The following WWOX variants were observed in gnomAD, a reference collection of about 807,000 sequenced individuals.
WWOX encodes the protein WW domain-containing oxidoreductase.
WWOX carries 69 observed loss-of-function variants against 46.2 expected under a neutral mutation model. The observed-to-expected ratio is 1.49, with a 90% CI of 1.23 to 1.82. The LOEUF is 1.82. WWOX is among the 40% of genes most tolerant of loss of function. WWOX has a pLI of 0.00. For missense variants in WWOX, 919 were observed against 542.6 expected, an observed-to-expected ratio of 1.69 and a Z score of -6.89; for synonymous variants, 359 against 202.6, an observed-to-expected ratio of 1.77 and a Z score of -6.56.
intron 8 of WWOX, among the ~76,000 whole-genome samples, chr16:78,558,184 G>C (rs937265219): frequency 1.3e-5 from 2 of 152,146 alleles, no homozygotes; most frequent in African/African-American, 4.8e-5. Context: ...CCTTCCCGGA[G>C]GTCAGCTTTA....
At chr16:78,265,444 GC>G (rs1237006195) in intron 5 of WWOX, among the ~76,000 whole-genome samples, 2 of 152,120 alleles carry the variant, frequency 1.3e-5, no homozygotes, top group African/African-American at 4.8e-5. Flanking sequence ...ACTTTGGGAG[GC>G]TGAGGCAGGT....
rs1402358077 is a variant in WWOX at position 78,975,582 on chromosome 16, A to G, written c.1057-236026A>G. On this transcript the variant is annotated intron_variant, in intron 8 of 8. Transcript: ENST00000566780. Reference sequence around the variant, plus strand: ...CTGAATGCCTGTTCATGTACCATATACACATGGTATATGCCTCGTAAATGA... The same window carrying G: ...CTGAATGCCTGTTCATGTACCATATGCACATGGTATATGCCTCGTAAATGA... Among the ~76,000 whole-genome samples, 7 of 152,034 alleles carry G rather than the reference A, an allele frequency of 4.6e-5. No individual in the cohort carries two copies. The South Asian group carries it at 8.3e-4, about 18-fold the overall frequency.
At chr16:78,333,738 A>G (rs1271086316) in intron 5 of WWOX, among the ~76,000 whole-genome samples, 1 of 152,232 alleles carries the variant, frequency 6.6e-6, no homozygotes, top group African/African-American at 2.4e-5. Flanking sequence ...ATAAAATTTC[A>G]AATGGTTCCT....
chr16:78,662,623 T>TA (rs1402335782), intron 8 of WWOX, among the ~76,000 whole-genome samples: 1 of 152,156 alleles, frequency 6.6e-6, no homozygotes, highest in Non-Finnish European at 1.5e-5. Flanking sequence ...TACTATTTTT[T>TA]AAAAAACATA....
intron 8 of WWOX, chr16:78,756,884 C>A: frequency 2.8e-6 from 2 of 702,872 alleles, no homozygotes; most frequent in Non-Finnish European, 5.2e-6. Context: ...ACTTACGAGG[C>A]TAGACCATAA....
chr16:79,040,902 G>T (rs1263139859), intron 8 of WWOX, among the ~76,000 whole-genome samples: 2 of 152,102 alleles, frequency 1.3e-5, no homozygotes, highest in Non-Finnish European at 2.9e-5. Flanking sequence ...CAAGGGAGAG[G>T]TTGCTCCTGG....
chr16:78,734,436 C>G (rs553967803), intron 8 of WWOX, among the ~76,000 whole-genome samples: 2 of 152,282 alleles, frequency 1.3e-5, no homozygotes, highest in South Asian at 2.1e-4. Flanking sequence ...TTGCATGAAT[C>G]AACCTATTTA....
At chr16:78,122,217 G>C (rs1208248220) in intron 4 of WWOX, among the ~76,000 whole-genome samples, 1 of 152,142 alleles carries the variant, frequency 6.6e-6, no homozygotes, top group African/African-American at 2.4e-5. Context: ...GCATCACTGT[G>C]GGTCTTGGAA....
At chr16:78,385,604 C>A (rs991480253) in intron 5 of WWOX, among the ~76,000 whole-genome samples, 1 of 152,142 alleles carries the variant, frequency 6.6e-6, no homozygotes, top group African/African-American at 2.4e-5. Flanking sequence ...CCAAGATAAA[C>A]CAGCTGCAAT....
intron 5 of WWOX, chr16:78,266,194 TG>T (rs1451277611): frequency 6.6e-6 from 1 of 152,214 alleles, no homozygotes; most frequent in Non-Finnish European, 1.5e-5. Flanking sequence ...TGTAATTGTT[TG>T]GGGGAAAAAA....
At chr16:78,692,899 G>T (rs2048023098) in intron 8 of WWOX, among the ~76,000 whole-genome samples, 1 of 152,172 alleles carries the variant, frequency 6.6e-6, no homozygotes, top group South Asian at 2.1e-4. Context: ...TGAATATTCT[G>T]TAATAGAAGA....
At chr16:78,746,921 A>G (rs1477512428) in intron 8 of WWOX, among the ~76,000 whole-genome samples, 2 of 151,688 alleles carry the variant, frequency 1.3e-5, no homozygotes, top group Non-Finnish European at 2.9e-5. Context: ...TGAATACACC[A>G]CTCCCCATCC....
chr16:78,407,253 T>G (rs1407496228), intron 6 of WWOX, among the ~76,000 whole-genome samples: 3 of 152,172 alleles, frequency 2.0e-5, no homozygotes, highest in Admixed American at 2.0e-4. Context: ...TTGGGCCCTT[T>G]CTATTGAATT....
chr16:78,755,693 G>A (rs984353866), intron 8 of WWOX, among the ~76,000 whole-genome samples: 5 of 152,184 alleles, frequency 3.3e-5, no homozygotes, highest in South Asian at 2.1e-4. Context: ...CCAGGGCCAT[G>A]TGACAAATAC....
chr16:78,174,546 A>G (rs2035270505), intron 5 of WWOX, among the ~76,000 whole-genome samples: 1 of 152,224 alleles, frequency 6.6e-6, no homozygotes, highest in Non-Finnish European at 1.5e-5. Context: ...CATGCTAAAT[A>G]CATTTATTAC....
chr16:78,940,871 G>T (rs1347601567), intron 8 of WWOX, among the ~76,000 whole-genome samples: 1 of 151,784 alleles, frequency 6.6e-6, no homozygotes, highest in Non-Finnish European at 1.5e-5. Context: ...AAGTTGTATC[G>T]ATCATGTATT....
Position 78,531,855 on chromosome 16 carries a change from C to G in WWOX, c.1056+99103C>G, listed in dbSNP as rs529474371. The stretch of plus-strand genomic sequence containing the variant: ...CCTGGGCGACAGAGGAAGACTCTGT[C>G]TCAAAATAAACAAACAAATAAATAA... On this transcript the variant is annotated intron_variant, in intron 8 of 8. Coordinates refer to ENST00000566780, the MANE Select transcript of WWOX (RefSeq NM_016373.4). Among the ~76,000 whole-genome samples the G allele has an allele frequency of 2.0e-5, 3 of 152,200 alleles. No individual in the cohort carries two copies. In the East Asian group the frequency reaches 5.8e-4, roughly 29 times the overall value.
chr16:78,964,606 G>A (rs917190327), intron 8 of WWOX, among the ~76,000 whole-genome samples: 9 of 152,210 alleles, frequency 5.9e-5, no homozygotes, highest in Non-Finnish European at 1.2e-4. Context: ...TTGTGCGATA[G>A]AAAAGAAAAA....
intron 8 of WWOX, among the ~76,000 whole-genome samples, chr16:79,009,607 C>T (rs923281283): frequency 1.3e-5 from 2 of 152,156 alleles, no homozygotes; most frequent in South Asian, 2.1e-4. Flanking sequence ...CATGCCACCA[C>T]ACCTGACTAA....
Sources: gnomAD v4.1 joint callset for allele counts (sites outside exome capture counted in the v4.1 genomes callset) on GRCh38, gnomAD v4.1.1 for gene constraint, MANE v1.5 for transcripts, NCBI Gene and HGNC (gene_info 2026-07-23, HGNC 2026-07-21) for gene names.